FARS2: variants seen among roughly 807,000 people sequenced by gnomAD.
The protein encoded by FARS2 is phenylalanine--tRNA ligase, mitochondrial.
Under a neutral mutation model 46.4 loss-of-function variants are expected in FARS2, and 40 were observed. The observed-to-expected ratio is 0.86, with a 90% CI of 0.67 to 1.12. FARS2 has a LOEUF of 1.12. Among genes scored for constraint, FARS2 ranks in the 50% most tolerant of loss-of-function variants. The pLI is 0.00. For missense variants in FARS2, 513 were observed against 567.9 expected, an observed-to-expected ratio of 0.90 and a Z score of 0.98; for synonymous variants, 234 against 214.9, an observed-to-expected ratio of 1.09 and a Z score of -0.78.
intron 4 of FARS2, among the ~76,000 whole-genome samples, chr6:5,505,960 C>G (rs1275607197): frequency 6.6e-6 from 1 of 152,106 alleles, no homozygotes; most frequent in East Asian, 1.9e-4. Flanking sequence ...TCTTTTCCAC[C>G]TGAGTTTTAA....
At chr6:5,315,716 CTCTT>C (rs70974188) in intron 1 of FARS2, among the ~76,000 whole-genome samples, 20 of 28,278 alleles carry the variant, frequency 7.1e-4, no homozygotes, top group South Asian at 2.6e-3. Context: ...ATATTGATTT[CTCTT>C]TCTTTCTTTC....
At chr6:5,285,343 A>G (rs139974597) in intron 1 of FARS2, among the ~76,000 whole-genome samples, 1 of 152,250 alleles carries the variant, frequency 6.6e-6, no homozygotes, top group South Asian at 2.1e-4. Flanking sequence ...AGAGAGACTG[A>G]TGGGGGAACA....
chr6:5,709,624 A>G (rs553188941), intron 6 of FARS2, among the ~76,000 whole-genome samples: 13 of 151,838 alleles, frequency 8.6e-5, no homozygotes, highest in African/African-American at 2.9e-4. Context: ...AGACAATGAC[A>G]TTGAGACCAA....
intron 1 of FARS2, among the ~76,000 whole-genome samples, chr6:5,322,720 G>T (rs530867654): frequency 6.6e-6 from 1 of 152,174 alleles, no homozygotes; most frequent in African/African-American, 2.4e-5. Context: ...ACCTTTGGGC[G>T]CTAATTCCCT....
intron 1 of FARS2, among the ~76,000 whole-genome samples, chr6:5,268,393 G>A (rs938524764): frequency 7.2e-5 from 11 of 152,174 alleles, no homozygotes; most frequent in Admixed American, 5.9e-4. Flanking sequence ...AAGGTGTAAG[G>A]AAGGGATCCA....
chr6:5,332,402 A>G lies in FARS2; in HGVS notation c.-21-36148A>G, dbSNP rs192399351. ...CCTGCCAATATATGAAGTGCTAAGAATCAATAGAAAGAAGTATATGGTTAT... is the reference window on the plus strand; with the variant it reads ...CCTGCCAATATATGAAGTGCTAAGAGTCAATAGAAAGAAGTATATGGTTAT... On this transcript the variant is annotated intron_variant, in intron 1 of 6. Coordinates refer to ENST00000274680, the MANE Select transcript of FARS2 (RefSeq NM_006567.5). 2.0e-5 allele frequency among the ~76,000 whole-genome samples: 3 copies of G among 152,360 alleles called. No individual in the cohort carries two copies. In the East Asian group the frequency reaches 5.8e-4, roughly 29 times the overall value.
At chr6:5,386,045 A>G (rs1760112116) in intron 2 of FARS2, among the ~76,000 whole-genome samples, 1 of 152,162 alleles carries the variant, frequency 6.6e-6, no homozygotes, top group South Asian at 2.1e-4. Flanking sequence ...GTTCCTATAT[A>G]TATAGAGAGA....
At chr6:5,655,796 T>C (rs1050704936) in intron 6 of FARS2, among the ~76,000 whole-genome samples, 5 of 152,242 alleles carry the variant, frequency 3.3e-5, no homozygotes, top group African/African-American at 1.2e-4. Flanking sequence ...CTTTGGAGGA[T>C]CATTCTTTTA....
intron 4 of FARS2, among the ~76,000 whole-genome samples, chr6:5,528,750 A>G (rs1445708901): frequency 6.6e-6 from 1 of 152,134 alleles, no homozygotes; most frequent in African/African-American, 2.4e-5. Context: ...ACAGTTGGGG[A>G]CCCTTGGGAA....
At chr6:5,425,302 G>C (rs765071449) in intron 3 of FARS2, among the ~76,000 whole-genome samples, 2 of 152,158 alleles carry the variant, frequency 1.3e-5, no homozygotes, top group Admixed American at 6.6e-5. Context: ...AGTTCTGATA[G>C]GAAAGTCCCA....
At chr6:5,479,125 G>A (rs1384128747) in intron 4 of FARS2, among the ~76,000 whole-genome samples, 3 of 152,202 alleles carry the variant, frequency 2.0e-5, no homozygotes, top group South Asian at 2.1e-4. Context: ...GTATCAGCCT[G>A]TAGTCACTTT....
intron 6 of FARS2, among the ~76,000 whole-genome samples, chr6:5,651,528 A>G (rs571302536): frequency 6.6e-6 from 1 of 152,332 alleles, no homozygotes; most frequent in Non-Finnish European, 1.5e-5. Flanking sequence ...GAGTTGCAAC[A>G]AAAAAAGCAA....
chr6:5,499,796 TA>T (rs1211930265), intron 4 of FARS2, among the ~76,000 whole-genome samples: 1 of 152,234 alleles, frequency 6.6e-6, no homozygotes, highest in African/African-American at 2.4e-5. Context: ...GATGAGATCA[TA>T]AGTCGTTCTT....
intron 6 of FARS2, among the ~76,000 whole-genome samples, chr6:5,618,648 A>T (rs925221293): frequency 3.3e-5 from 5 of 152,220 alleles, no homozygotes; most frequent in Non-Finnish European, 7.3e-5. Context: ...TGTGCCCTGA[A>T]GGAGGATAGA....
At chr6:5,336,326 T>A (rs780291851) in intron 1 of FARS2, among the ~76,000 whole-genome samples, 3 of 151,742 alleles carry the variant, frequency 2.0e-5, no homozygotes, top group African/African-American at 4.8e-5. Flanking sequence ...GACATGGCAG[T>A]CTGATGGATT....
At chr6:5,455,215 G>A (rs1764773141) in intron 4 of FARS2, among the ~76,000 whole-genome samples, 1 of 152,166 alleles carries the variant, frequency 6.6e-6, no homozygotes, top group South Asian at 2.1e-4. Flanking sequence ...TGGTTACCAA[G>A]CAGCTTTTTG....
At chr6:5,534,859 G>GTA (rs778519163) in intron 4 of FARS2, among the ~76,000 whole-genome samples, 3 of 149,872 alleles carry the variant, frequency 2.0e-5, no homozygotes, top group Admixed American at 2.0e-4. Flanking sequence ...ACTTGCACGC[G>GTA]CACACACACA....
chr6:5,512,085 A>T (rs762211990), intron 4 of FARS2, among the ~76,000 whole-genome samples: 1 of 152,220 alleles, frequency 6.6e-6, no homozygotes, highest in Non-Finnish European at 1.5e-5. Flanking sequence ...CGCCCAGTAA[A>T]TGCAACCACA....
intron 2 of FARS2, among the ~76,000 whole-genome samples, chr6:5,371,751 G>A (rs546848053): frequency 2.0e-5 from 3 of 151,914 alleles, no homozygotes; most frequent in African/African-American, 4.8e-5. Context: ...AAGGAGGAAT[G>A]TAGAGCATGA....
Sources: allele counts gnomAD v4.1 joint callset (sites outside exome capture counted in the v4.1 genomes callset), GRCh38; gene constraint gnomAD v4.1.1; transcripts MANE v1.5; gene names NCBI Gene and HGNC (gene_info 2026-07-23, HGNC 2026-07-21).